The following HDAC1 variants were observed in gnomAD, a reference collection of about 807,000 sequenced individuals.
The protein encoded by HDAC1 is protein deacetylase HDAC1.
HDAC1 carries 18 observed loss-of-function variants against 65.5 expected under a neutral mutation model. That is an observed-to-expected ratio of 0.27 (90% confidence interval 0.19 to 0.41). HDAC1 has a LOEUF of 0.41. Ranked by LOEUF, HDAC1 falls within the 10% of genes least tolerant of loss-of-function variation. HDAC1 has a pLI of 1.00. For synonymous variants in HDAC1, 211 were observed against 227.9 expected (o/e 0.93, Z 0.67); for missense variants, 373 against 625.2 (o/e 0.60, Z 4.30).
intron 3 of HDAC1, among the ~76,000 whole-genome samples, chr1:32,320,045 C>T (rs1323421736): frequency 3.3e-5 from 5 of 152,106 alleles, no homozygotes; most frequent in East Asian, 1.9e-4. Flanking sequence ...GGTGAAACCC[C>T]GTCTCCACTA....
chr1:32,306,037 G>A (rs1640905924), intron 2 of HDAC1, among the ~76,000 whole-genome samples: 1 of 152,160 alleles, frequency 6.6e-6, no homozygotes, highest in South Asian at 2.1e-4. Flanking sequence ...GACTTGGTCT[G>A]TTTATTGACC....
intron 3 of HDAC1, among the ~76,000 whole-genome samples, chr1:32,321,610 T>C (rs1237915782): frequency 6.6e-6 from 1 of 152,142 alleles, no homozygotes; most frequent in African/African-American, 2.4e-5. Flanking sequence ...ACAGATTAGC[T>C]CACATGAGTA....
intron 2 of HDAC1, among the ~76,000 whole-genome samples, chr1:32,309,670 G>C (rs1161309707): frequency 7.3e-6 from 1 of 137,524 alleles, no homozygotes; most frequent in African/African-American, 2.8e-5. Context: ...CTGGGCAACA[G>C]AGCGAGTCTC....
intron 2 of HDAC1, among the ~76,000 whole-genome samples, chr1:32,314,698 C>T (rs774306981): frequency 5.7e-4 from 87 of 151,678 alleles, no homozygotes; most frequent in Non-Finnish European, 9.3e-4. Context: ...TGATGGCGGG[C>T]GCCTGTAGTC....
At chr1:32,313,134 T>G (rs1245227393) in intron 2 of HDAC1, among the ~76,000 whole-genome samples, 2 of 151,758 alleles carry the variant, frequency 1.3e-5, no homozygotes, top group Non-Finnish European at 2.9e-5. Context: ...CTCGCTTTGT[T>G]GCCCAGGCTG....
intron 2 of HDAC1, among the ~76,000 whole-genome samples, chr1:32,316,414 C>T (rs570984838): frequency 6.6e-6 from 1 of 152,342 alleles, no homozygotes; most frequent in African/African-American, 2.4e-5. Context: ...AATGGAGGTT[C>T]AAGAGACAGT....
chr1:32,331,791 G>A lies in HDAC1; in HGVS notation c.1204G>A (p.Asp402Asn). The A allele has an allele frequency of 1.2e-6, 2 of 1,612,264 alleles. No individual in the cohort carries two copies. Among genetic ancestry groups the A allele is most frequent in the African/African-American group, 1.3e-5 (1 of 74,914 alleles). ...TGGCGATGAGGACGAAGACGACCCT[G>A]ACAAGCGCATCTCGAGTGAGACCCA... Reference protein sequence around the residue: ...ESGDEDEDDPDKRISICSSDK... With the variant: ...ESGDEDEDDPNKRISICSSDK... The change falls in exon 11 of 14, where the codon GAC (aspartate) becomes AAC (asparagine). Residue 402 changes from aspartate (D) to asparagine (N), a missense_variant. Physicochemically the swap from Asp to Asn is conservative, Grantham distance 23 (BLOSUM62 1). Coordinates refer to ENST00000373548, the MANE Select transcript of HDAC1 (RefSeq NM_004964.3). This position sits in a 1 kb window ranked among gnomAD's most constrained non-coding sequence, Gnocchi z 4.2.
chr1:32,302,582 C>T, intron 1 of HDAC1, 39 bp from the exon 2 acceptor site: 2 of 994,588 alleles, frequency 2.0e-6, no homozygotes, highest in Non-Finnish European at 3.3e-6. Context: ...TAGTGTATGC[C>T]TAACTGTGTT....
At chr1:32,298,305 C>T (rs1640798308) in intron 1 of HDAC1, among the ~76,000 whole-genome samples, 1 of 150,188 alleles carries the variant, frequency 6.7e-6, no homozygotes, top group African/African-American at 2.5e-5. Flanking sequence ...TCAGGCTGGT[C>T]TTGAACTCTC....
At chr1:32,294,509 CTTT>C (rs533642905) in intron 1 of HDAC1, among the ~76,000 whole-genome samples, 6 of 125,504 alleles carry the variant, frequency 4.8e-5, no homozygotes, top group Admixed American at 8.2e-5. Context: ...CAGTTGATAA[CTTT>C]TTTTTTTTTT....
intron 1 of HDAC1, among the ~76,000 whole-genome samples, chr1:32,293,864 T>G (rs2124393150): frequency 6.7e-6 from 1 of 149,060 alleles, no homozygotes; most frequent in Non-Finnish European, 1.5e-5. Context: ...ATTGCACCGC[T>G]GCACTCCAGC....
intron 1 of HDAC1, among the ~76,000 whole-genome samples, chr1:32,293,924 G>C (rs1251694230): frequency 6.7e-6 from 1 of 149,608 alleles, no homozygotes; most frequent in Non-Finnish European, 1.5e-5. Flanking sequence ...AAAAATTAGC[G>C]AGGTGTGGTG....
intron 2 of HDAC1, among the ~76,000 whole-genome samples, chr1:32,307,943 ATAT>A (rs1640933369): frequency 6.6e-6 from 1 of 152,334 alleles, no homozygotes; most frequent in Admixed American, 6.5e-5. Flanking sequence ...TTGGAGTATA[ATAT>A]TTGTGAAAGA....
rs769656946 is a variant in HDAC1, at chr1:32,331,662, C to T, written c.1089-14C>T. The stretch of plus-strand genomic sequence containing the variant: ...CCTGACCAGAGCCCTGCTACTCTCT[C>T]CCATTGGCCACAGACAGCGACTGTT... On this transcript the variant is annotated splice_polypyrimidine_tract_variant and intron_variant, in intron 10 of 13. Transcript: ENST00000373548. This position sits in a 1 kb window ranked among gnomAD's most constrained non-coding sequence, Gnocchi z 4.2. 8 of 1,613,254 alleles carry T rather than the reference C, an allele frequency of 5.0e-6. No homozygotes were observed. The highest frequency in any genetic ancestry group is 3.3e-5 in the South Asian group (3 of 91,026).
intron 3 of HDAC1, among the ~76,000 whole-genome samples, chr1:32,322,458 G>T (rs955699225): frequency 2.6e-5 from 4 of 152,020 alleles, no homozygotes; most frequent in African/African-American, 9.7e-5. Flanking sequence ...TAGTAGAGAC[G>T]GGGTTTCTCC....
intron 1 of HDAC1, among the ~76,000 whole-genome samples, chr1:32,300,636 T>C (rs1640835478): frequency 6.6e-6 from 1 of 152,164 alleles, no homozygotes; most frequent in African/African-American, 2.4e-5. Context: ...ACCATTTATT[T>C]TGATCAAGAA....
At chr1:32,320,113 G>A (rs574205775) in intron 3 of HDAC1, among the ~76,000 whole-genome samples, 7 of 151,880 alleles carry the variant, frequency 4.6e-5, no homozygotes, top group Non-Finnish European at 1.0e-4. Context: ...CCAGCTACTC[G>A]GGAGGCTGAG....
At chr1:32,303,578 G>A (rs962519220) in intron 2 of HDAC1, among the ~76,000 whole-genome samples, 4 of 152,334 alleles carry the variant, frequency 2.6e-5, no homozygotes, top group Middle Eastern at 3.4e-3. Flanking sequence ...CTAACCTGTA[G>A]ATTCAGCTAC....
intron 1 of HDAC1, among the ~76,000 whole-genome samples, chr1:32,295,615 A>G (rs1367862920): frequency 1.3e-5 from 2 of 152,162 alleles, no homozygotes; most frequent in East Asian, 1.9e-4. Context: ...CCATTAATGT[A>G]TTAGTGAGGA....
Sources: gnomAD v4.1 joint callset for allele counts (sites outside exome capture counted in the v4.1 genomes callset) on GRCh38, gnomAD v4.1.1 for gene constraint, Gnocchi (gnomAD v3.1) non-coding constraint, MANE v1.5 for transcripts, NCBI Gene and HGNC (gene_info 2026-07-23, HGNC 2026-07-21) for gene names.